The following MELK variants were observed in gnomAD, a reference collection of about 807,000 sequenced individuals.
MELK encodes maternal embryonic leucine zipper kinase.
MELK carries 81 observed loss-of-function variants against 85.0 expected under a neutral mutation model. That is an observed-to-expected ratio of 0.95 (90% CI 0.80 to 1.15). The LOEUF (loss-of-function observed/expected upper bound fraction) is 1.15, where lower values mean the gene tolerates loss of function less well. Ranked by LOEUF, MELK falls within the 50% of genes most tolerant of loss-of-function variation. The pLI, the probability that MELK is intolerant of heterozygous loss-of-function variation, is 0.00. For synonymous variants in MELK, 252 were observed against 265.0 expected (o/e 0.95, Z 0.48); for missense variants, 754 against 777.5 (o/e 0.97, Z 0.36).
rs1235553707 is a variant in MELK, at chr9:36,655,843, A to G, written c.1054-1398A>G. ...GAGAACTCTGTCATCCTTGGTTGAG[A>G]CAGTGGAAAGATTAGTGGTAGAGAC... On this transcript the variant is annotated intron_variant, in intron 12 of 17. Transcript: ENST00000298048. Among the ~76,000 whole-genome samples, 5 of 152,302 alleles carry G rather than the reference A, an allele frequency of 3.3e-5. No homozygotes were observed. In the East Asian group the frequency reaches 7.7e-4, roughly 23 times the overall value.
In MELK at chr9:36,630,323, T is replaced by C; in HGVS notation, c.691T>C (p.Trp231Arg). The C allele has an allele frequency of 1.9e-6, 3 of 1,612,616 alleles. No homozygotes were observed. Among genetic ancestry groups the C allele is most frequent in the Non-Finnish European group, 2.5e-6 (3 of 1,179,088 alleles). ...GAGAGGAAAATATGATGTTCCCAAG[T>C]GGCTCTCTCCCAGTAGCATTCTGCT... ...IMRGKYDVPKWLSPSSILLLQ... is the reference protein window; with the variant it reads ...IMRGKYDVPKRLSPSSILLLQ... The change falls in exon 9 of 18, where the codon TGG becomes CGG. Residue 231 changes from tryptophan to arginine, a missense_variant. Trp to Arg is a moderately radical substitution (Grantham distance 101). Coordinates refer to ENST00000298048, the MANE Select transcript of MELK (RefSeq NM_014791.4).
rs1487445346 is a variant in MELK at position 36,651,791 on chromosome 9, A to G, written c.967A>G (p.Lys323Glu). 1.9e-6 allele frequency: 3 copies of G among 1,614,082 alleles called. No homozygotes were observed. The highest frequency in any genetic ancestry group is 3.3e-4 in the Middle Eastern group (2 of 6,060). ...LTATYLLLLA[K>E]KARGKPVRLR... ...GGCTACCTATCTTCTGCTTCTAGCC[A>G]AGAAGGCTCGGGGAAAACCAGTTCG... Residue 323 changes from lysine (K) to glutamate (E), a missense_variant, in exon 12 of 18, where the codon AAG becomes GAG. Lys to Glu is a moderately conservative substitution (Grantham distance 56). Coordinates refer to ENST00000298048, the MANE Select transcript of MELK (RefSeq NM_014791.4).
chr9:36,667,754 T>C (rs1298574132), intron 14 of MELK, among the ~76,000 whole-genome samples: 1 of 152,034 alleles, frequency 6.6e-6, no homozygotes, highest in Non-Finnish European at 1.5e-5. Flanking sequence ...TTCTCTTCTC[T>C]CCTCTTCTCT....
At chr9:36,651,076 T>G (rs73439157) in intron 11 of MELK, among the ~76,000 whole-genome samples, 2,211 of 152,330 alleles carry the variant, frequency 0.015, 50 homozygotes, top group African/African-American at 0.049. Context: ...AAAATATTAG[T>G]GTATTTATAT....
intron 3 of MELK, among the ~76,000 whole-genome samples, chr9:36,586,763 A>T (rs2135207375): frequency 6.6e-6 from 1 of 152,258 alleles, no homozygotes; most frequent in Middle Eastern, 3.4e-3. Flanking sequence ...TTAATTCATG[A>T]TTTCTAAACT....
rs551928441 is a variant in MELK at position 36,611,615 on chromosome 9, T to C, written c.666+3942T>C. ...ATCTCTACTTTCTATCTGTGGACTT[T>C]GGTAAATTATTTAGCCTCTCTGTGT... On this transcript the variant is annotated intron_variant, in intron 8 of 17. Transcript: ENST00000298048. Among the ~76,000 whole-genome samples the C allele has an allele frequency of 2.6e-5, 4 of 152,236 alleles. No homozygotes were observed. In the East Asian group the frequency reaches 7.7e-4, roughly 29 times the overall value.
intron 13 of MELK, among the ~76,000 whole-genome samples, chr9:36,664,871 A>G (rs1358998395): frequency 6.6e-6 from 1 of 152,184 alleles, no homozygotes; most frequent in Admixed American, 6.5e-5. Flanking sequence ...TCATGTTTTT[A>G]GTTTGGCCTC....
intron 13 of MELK, among the ~76,000 whole-genome samples, chr9:36,659,391 A>G (rs971373306): frequency 2.0e-5 from 3 of 152,202 alleles, no homozygotes; most frequent in African/African-American, 7.2e-5. Context: ...ATAATGTGGC[A>G]GCTCTGGTAA....
Position 36,650,606 on chromosome 9 carries a change from T to C in MELK, c.922-1140T>C, listed in dbSNP as rs181932002. Among the ~76,000 whole-genome samples the C allele has an allele frequency of 9.8e-5, 15 of 152,366 alleles. No individual in the cohort carries two copies. In the East Asian group the frequency reaches 2.5e-3, roughly 25 times the overall value. On this transcript the variant is annotated intron_variant, in intron 11 of 17. Transcript: ENST00000298048. The stretch of plus-strand genomic sequence containing the variant: ...CAGAATCAATTGTGAAGATAGAATG[T>C]AGTCACTTATCAGACATGCAAGATC...
intron 3 of MELK, among the ~76,000 whole-genome samples, chr9:36,586,703 A>G (rs1425620347): frequency 6.6e-6 from 1 of 152,214 alleles, no homozygotes; most frequent in Non-Finnish European, 1.5e-5. Flanking sequence ...TTATTACAAA[A>G]TGTGTTATCA....
At position 36,630,335 on chromosome 9, in the gene MELK, A is replaced by G. The variant is rs1410813175; in HGVS notation, c.703A>G (p.Ser235Gly). 9 of 1,612,170 alleles carry G rather than the reference A, an allele frequency of 5.6e-6. No homozygotes were observed. The highest frequency in any genetic ancestry group is 6.8e-6 in the Non-Finnish European group (8 of 1,178,970). The change falls in exon 9 of 18, where the codon AGT (serine) becomes GGT (glycine). Residue 235 changes from serine to glycine, a missense_variant. By Grantham distance (56) the Ser-to-Gly change is moderately conservative. Coordinates refer to ENST00000298048, the MANE Select transcript of MELK (RefSeq NM_014791.4). The part of the protein sequence containing the change: ...KYDVPKWLSP[S>G]SILLLQQMLQ... ...TGATGTTCCCAAGTGGCTCTCTCCC[A>G]GTAGCATTCTGCTTCTTCAACAAAT...
intron 13 of MELK, among the ~76,000 whole-genome samples, chr9:36,660,313 C>T (rs1587601880): frequency 6.6e-6 from 1 of 152,020 alleles, no homozygotes; most frequent in South Asian, 2.1e-4. Flanking sequence ...GCAACAATTG[C>T]CTGTAAATTT....
chr9:36,586,313 G>A (rs570831783), intron 3 of MELK, among the ~76,000 whole-genome samples: 6 of 149,280 alleles, frequency 4.0e-5, no homozygotes, highest in African/African-American at 1.5e-4. Flanking sequence ...CTGCACTCCA[G>A]ACTGGATGAC....
chr9:36,589,651 A>C lies in MELK; in HGVS notation c.260A>C (p.Glu87Ala). ...ETANKIFMVL[E>A]YCPGGELFDY... ...GCCAACAAAATATTCATGGTTCTTG[A>C]GGTTAGTAGTATGTTCCAGATACCT... The change falls in exon 4 of 18, where the codon GAG becomes GCG. Residue 87 changes from glutamate (E) to alanine (A), a missense_variant and splice_region_variant. Glu to Ala is a moderately radical substitution (Grantham distance 107). Coordinates refer to ENST00000298048, the MANE Select transcript of MELK (RefSeq NM_014791.4). The C allele has an allele frequency of 6.3e-7, 1 of 1,594,764 alleles. No individual in the cohort carries two copies. Among genetic ancestry groups the C allele is most frequent in the Non-Finnish European group, 8.6e-7 (1 of 1,162,508 alleles).
intron 10 of MELK, among the ~76,000 whole-genome samples, chr9:36,634,726 G>A (rs2136620834): frequency 6.6e-6 from 1 of 151,744 alleles, no homozygotes; most frequent in South Asian, 2.1e-4. Flanking sequence ...GAGGCTGGGT[G>A]CAGTGGCTCA....
At chr9:36,596,861 C>T (rs1442499505) in intron 5 of MELK, among the ~76,000 whole-genome samples, 1 of 152,228 alleles carries the variant, frequency 6.6e-6, no homozygotes, top group African/African-American at 2.4e-5. Flanking sequence ...GCTGGGATTA[C>T]AGGCGTGAGC....
intron 10 of MELK, among the ~76,000 whole-genome samples, chr9:36,633,965 G>A (rs1828878923): frequency 6.6e-6 from 1 of 152,172 alleles, no homozygotes. Flanking sequence ...TTTCTTAAAG[G>A]GTAATTGCAT....
intron 8 of MELK, among the ~76,000 whole-genome samples, chr9:36,610,631 C>T (rs1482385174): frequency 2.0e-5 from 3 of 152,208 alleles, no homozygotes; most frequent in African/African-American, 7.2e-5. Context: ...TTGAACTTTG[C>T]TGGGTAGCAC....
chr9:36,652,853 T>C (rs1428461185), intron 12 of MELK, among the ~76,000 whole-genome samples: 1 of 152,130 alleles, frequency 6.6e-6, no homozygotes, highest in East Asian at 1.9e-4. Context: ...TTTCCAGTCT[T>C]TTTTTTAAAG....
Sources: allele counts gnomAD v4.1 joint callset (sites outside exome capture counted in the v4.1 genomes callset), GRCh38; gene constraint gnomAD v4.1.1; transcripts MANE v1.5; gene names NCBI Gene and HGNC (gene_info 2026-07-23, HGNC 2026-07-21).